NCOA1: variants seen among roughly 807,000 people sequenced by gnomAD.
NCOA1 encodes Hin-2 protein.
Under a neutral mutation model 150.9 loss-of-function variants are expected in NCOA1, and 35 were observed. The observed-to-expected ratio is 0.23, with a 90% confidence interval of 0.18 to 0.31. The LOEUF (loss-of-function observed/expected upper bound fraction) is 0.31. Among genes scored for constraint, NCOA1 ranks in the 10% least tolerant of loss-of-function variants. The pLI, the probability that NCOA1 is intolerant of heterozygous loss-of-function variation, is 1.00. For missense variants in NCOA1, 1,491 were observed against 1,749.3 expected, an observed-to-expected ratio of 0.85 and a Z score of 2.63; for synonymous variants, 590 against 630.0, an observed-to-expected ratio of 0.94 and a Z score of 0.95.
At chr2:24,578,327 A>T (rs1667069538) in intron 2 of NCOA1, among the ~76,000 whole-genome samples, 1 of 152,044 alleles carries the variant, frequency 6.6e-6, no homozygotes. Context: ...AATTGGAAAA[A>T]CTCGTGAAAC....
rs192288741 is a variant in NCOA1 at position 24,743,608 on chromosome 2, A to G, written c.3706+1422A>G. Among the ~76,000 whole-genome samples, 237 of 152,292 alleles carry G rather than the reference A, an allele frequency of 1.6e-3. 1 individual carries two copies. The highest frequency in any genetic ancestry group is 2.9e-3 in the Non-Finnish European group (196 of 68,014). ...TGGCCTTCAAAAGAGTTTTATTTCC[A>G]TGTGTCTTACAATTTCTGTATGCAG... On this transcript the variant is annotated intron_variant, in intron 19 of 22. Transcript: ENST00000348332.
chr2:24,532,502 G>T (rs539170328), intron 1 of NCOA1, among the ~76,000 whole-genome samples: 114 of 152,210 alleles, frequency 7.5e-4, no homozygotes, highest in African/African-American at 2.7e-3. Flanking sequence ...ATTGCTTTTG[G>T]TGTTTTAGAC....
At chr2:24,565,894 A>G (rs957336028) in intron 2 of NCOA1, among the ~76,000 whole-genome samples, 1 of 152,274 alleles carries the variant, frequency 6.6e-6, no homozygotes, top group East Asian at 1.9e-4. Context: ...GCACCAGGGA[A>G]TGCAGTGGCC....
intron 19 of NCOA1, among the ~76,000 whole-genome samples, chr2:24,751,304 C>A (rs986010572): frequency 1.2e-4 from 18 of 149,334 alleles, no homozygotes; most frequent in Non-Finnish European, 2.4e-4. Context: ...AATTTACAGC[C>A]GGGCGCGGTG....
At chr2:24,557,450 A>G (rs766818431) in intron 1 of NCOA1, among the ~76,000 whole-genome samples, 1 of 151,970 alleles carries the variant, frequency 6.6e-6, no homozygotes, top group African/African-American at 2.4e-5. Context: ...GTAGTCTTTT[A>G]TATTTATCTT....
intron 7 of NCOA1, among the ~76,000 whole-genome samples, chr2:24,681,106 G>A (rs1454231415): frequency 6.6e-6 from 1 of 151,040 alleles, no homozygotes; most frequent in African/African-American, 2.4e-5. Context: ...GCCCATGCCT[G>A]TAATCCCAGC....
intron 19 of NCOA1, among the ~76,000 whole-genome samples, chr2:24,746,499 G>A (rs6759931): frequency 1.4e-3 from 212 of 152,240 alleles, no homozygotes; most frequent in African/African-American, 5.0e-3. Context: ...CCAAGATCAC[G>A]CTACTGCACT....
intron 1 of NCOA1, among the ~76,000 whole-genome samples, chr2:24,517,801 G>C (rs1174532480): frequency 2.0e-5 from 3 of 152,156 alleles, no homozygotes; most frequent in African/African-American, 7.2e-5. Flanking sequence ...GGTGTTTCTA[G>C]TGAAAATTAT....
intron 20 of NCOA1, among the ~76,000 whole-genome samples, chr2:24,753,394 A>G (rs1007477217): frequency 3.1e-4 from 47 of 151,734 alleles, no homozygotes; most frequent in Admixed American, 8.5e-4. Context: ...TCATGCTGAC[A>G]TGTCTCAATA....
At chr2:24,517,488 T>A (rs1664249962) in intron 1 of NCOA1, among the ~76,000 whole-genome samples, 1 of 152,184 alleles carries the variant, frequency 6.6e-6, no homozygotes, top group Non-Finnish European at 1.5e-5. Context: ...TCAGGGTTTA[T>A]GTCTGCGAGA....
At chr2:24,765,368 G>A (rs1362365081) in intron 22 of NCOA1, among the ~76,000 whole-genome samples, 3 of 151,970 alleles carry the variant, frequency 2.0e-5, no homozygotes, top group Non-Finnish European at 2.9e-5. Context: ...GCATGGTGGC[G>A]GGCGCCTGTA....
intron 1 of NCOA1, among the ~76,000 whole-genome samples, 109 bp downstream of exon 1, chr2:24,491,711 C>T (rs1233615190): frequency 2.0e-5 from 3 of 151,218 alleles, no homozygotes; most frequent in Non-Finnish European, 4.4e-5. Context: ...CCTCCGCCCC[C>T]TGCTCTCCTT....
intron 17 of NCOA1, among the ~76,000 whole-genome samples, chr2:24,730,425 C>T (rs1161176519): frequency 7.2e-5 from 11 of 152,054 alleles, no homozygotes; most frequent in East Asian, 3.9e-4. Context: ...TTAAGGGGAA[C>T]ATCATACAAT....
chr2:24,736,144 C>G (rs1298960749), intron 17 of NCOA1, among the ~76,000 whole-genome samples: 1 of 151,538 alleles, frequency 6.6e-6, no homozygotes, highest in East Asian at 1.9e-4. Flanking sequence ...TCGCTTGAAC[C>G]CAGGAGGTGG....
intron 3 of NCOA1, among the ~76,000 whole-genome samples, chr2:24,623,246 C>A (rs974168001): frequency 2.0e-5 from 3 of 152,132 alleles, no homozygotes; most frequent in Non-Finnish European, 4.4e-5. Context: ...GGTGGAAACT[C>A]AGAAAAGTGA....
rs528992715 is a variant in NCOA1, at chr2:24,729,536, A to G, written c.2922A>G (p.Pro974=). 1.1e-5 allele frequency: 17 copies of G among 1,614,114 alleles called. No homozygotes were observed. The African/African-American group carries it at 1.7e-4, about 16-fold the overall frequency. The stretch of plus-strand genomic sequence containing the variant: ...TAGATGTATTATCAGAGAGATTTCC[A>G]CCACAACAAGCAACGCCACCTTTGA... ...GGLDVLSERF[P]PQQATPPLIM... is the part of the protein sequence containing the mutation. The change falls in exon 17 of 23, where the codon CCA becomes CCG. Residue 974 remains proline, a synonymous_variant. Coordinates refer to ENST00000348332, the MANE Select transcript of NCOA1 (RefSeq NM_003743.5).
At chr2:24,723,895 CTG>C (rs1023753918) in intron 14 of NCOA1, among the ~76,000 whole-genome samples, 12 of 152,082 alleles carry the variant, frequency 7.9e-5, no homozygotes, top group Non-Finnish European at 1.8e-4. Context: ...AGAAAATTAA[CTG>C]TGAATATCAA....
At position 24,640,285 on chromosome 2, in the gene NCOA1, A is replaced by C. The variant is rs566116505; in HGVS notation, c.-174-3681A>C. ...CATGTGCACTTGAAAATAAATGTACATTTGCCAGTTGTTGGATGTACTGTT... is the reference window on the plus strand; with the variant it reads ...CATGTGCACTTGAAAATAAATGTACCTTTGCCAGTTGTTGGATGTACTGTT... On this transcript the variant is annotated intron_variant, in intron 3 of 22. Coordinates refer to ENST00000348332, the MANE Select transcript of NCOA1 (RefSeq NM_003743.5). Among the ~76,000 whole-genome samples, 68 of 152,210 alleles carry C rather than the reference A, an allele frequency of 4.5e-4. 1 individual carries two copies. The highest frequency in any genetic ancestry group is 1.6e-3 in the African/African-American group (68 of 41,524).
intron 19 of NCOA1, among the ~76,000 whole-genome samples, chr2:24,744,037 G>A (rs1473519925): frequency 1.3e-5 from 2 of 152,100 alleles, no homozygotes; most frequent in African/African-American, 2.4e-5. Context: ...TCAGTGCCCC[G>A]GTTCTCATGA....
Sources: gnomAD v4.1 joint callset for allele counts (sites outside exome capture counted in the v4.1 genomes callset) on GRCh38, gnomAD v4.1.1 for gene constraint, MANE v1.5 for transcripts, NCBI Gene and HGNC (gene_info 2026-07-23, HGNC 2026-07-21) for gene names.